Variants in PSD observed in about 807,000 individuals in gnomAD.
PSD encodes the protein PH and SEC7 domain-containing protein 1.
Under a neutral mutation model 91.6 loss-of-function variants are expected in PSD, and 32 were observed. That is an observed-to-expected ratio of 0.35 (90% CI 0.26 to 0.47). The LOEUF (loss-of-function observed/expected upper bound fraction) is 0.47, where lower values mean the gene tolerates loss of function less well. PSD is among the 20% of genes least tolerant of loss of function. The pLI is 1.00. For missense variants in PSD, 1,099 were observed against 1,373.9 expected (o/e 0.80, Z 3.16); for synonymous variants, 532 against 569.3 (o/e 0.93, Z 0.93).
chr10:102,416,664 C>T lies in PSD; in HGVS notation c.375G>A (p.Arg125=). ...NGLPAPGGLS[R]SWDLGGVSPP... ...GAGAAACCCCACCCAGATCCCAGCTCCGACTCAAGCCCCCTGGAGCAGGTA... is the reference window on the plus strand; with the variant it reads ...GAGAAACCCCACCCAGATCCCAGCTTCGACTCAAGCCCCCTGGAGCAGGTA... The change falls in exon 2 of 17, where the codon CGG becomes CGA. Residue 125 remains arginine (R), a synonymous_variant. Coordinates refer to ENST00000020673, the MANE Select transcript of PSD (RefSeq NM_002779.5). This position sits in a 1 kb window ranked among gnomAD's most constrained non-coding sequence, Gnocchi z 6.0. 6.2e-7 allele frequency: 1 copy of T among 1,610,192 alleles called. No individual in the cohort carries two copies. The highest frequency in any genetic ancestry group is 8.5e-7 in the Non-Finnish European group (1 of 1,178,512).
At position 102,403,109 on chromosome 10, in the gene PSD, C is replaced by T; in HGVS notation, c.*91G>A. 9.0e-7 allele frequency: 1 copy of T among 1,115,410 alleles called. No homozygotes were observed. The highest frequency in any genetic ancestry group is 1.2e-6 in the Non-Finnish European group (1 of 824,222). The allele number at this position is 1,115,410 out of a possible 1,614,324, so 69.1% of individuals were successfully genotyped here. On this transcript the variant is annotated 3_prime_UTR_variant, in exon 17 of 17. Coordinates refer to ENST00000020673, the MANE Select transcript of PSD (RefSeq NM_002779.5). This position sits in a 1 kb window ranked among gnomAD's most constrained non-coding sequence, Gnocchi z 6.7. Reference sequence around the variant, plus strand: ...GCGGTCGGGCCCTAGGCCGGGAGGCCCTCGTGGGTGGCCCGAGGCCGGCCC... The same window carrying T: ...GCGGTCGGGCCCTAGGCCGGGAGGCTCTCGTGGGTGGCCCGAGGCCGGCCC...
Position 102,405,063 on chromosome 10 carries a change from G to A in PSD, c.2398-8C>T, listed in dbSNP as rs2061344068. 1.9e-6 allele frequency: 3 copies of A among 1,613,624 alleles called. No homozygotes were observed. The East Asian group carries it at 6.7e-5, about 36-fold the overall frequency. ...CCCAGGCTTGTACTCCTCCTGCAGG[G>A]GTGTCCATCTTGTCCTGGCCCCAAA... On this transcript the variant is annotated splice_polypyrimidine_tract_variant and splice_region_variant and intron_variant, in intron 13 of 16. Transcript: ENST00000020673. The surrounding 1 kb of genome is among the most constrained non-coding windows in gnomAD (Gnocchi z 5.4).
chr10:102,405,561 G>GGGCT lies in PSD; in HGVS notation c.2136-29_2136-26dup. 6.3e-7 allele frequency: 1 copy of GGGCT among 1,587,284 alleles called. No homozygotes were observed. Among genetic ancestry groups the GGGCT allele is most frequent in the Non-Finnish European group, 8.6e-7 (1 of 1,161,270 alleles). ...TCTGCAGGTGTGATCACCTCAGAGGGGGCTGGCCATGGAGCCGCGGCCCCC... is the reference window on the plus strand; with the variant it reads ...TCTGCAGGTGTGATCACCTCAGAGGGGGCTGGCTGGCCATGGAGCCGCGGCCCCC... On this transcript the variant is annotated intron_variant, in intron 11 of 16. Coordinates refer to ENST00000020673, the MANE Select transcript of PSD (RefSeq NM_002779.5). The surrounding 1 kb of genome is among the most constrained non-coding windows in gnomAD (Gnocchi z 5.4).
chr10:102,414,824 C>T lies in PSD; in HGVS notation c.1124+39G>A. The T allele has an allele frequency of 1.3e-6, 2 of 1,485,640 alleles. No individual in the cohort carries two copies. The highest frequency in any genetic ancestry group is 8.9e-7 in the Non-Finnish European group (1 of 1,122,478). 92.0% of individuals were successfully genotyped at this position (1,485,640 alleles called of 1,614,324 possible). ...TGGGCCAGTGCGAAGGAGCAAGCCG[C>T]TTCCCTCTCCCACTTCCCCCTCCCA... is the stretch of plus-strand genomic sequence containing the variant. On this transcript the variant is annotated intron_variant, in intron 4 of 16. Transcript: ENST00000020673. The surrounding 1 kb of genome is among the most constrained non-coding windows in gnomAD (Gnocchi z 5.6).
In PSD at chr10:102,410,919, T is replaced by A; in HGVS notation, c.2030A>T (p.Asp677Val). ...HNIGKRMTCG[D>V]FIGNLEGLND... ...GAGGCCCTCCAGGTTCCCGATGAAG[T>A]CCCCGCAGGTCATGCGCTTCCCGAT... is the stretch of plus-strand genomic sequence containing the variant. The change falls in exon 10 of 17, where the codon GAC becomes GTC. Residue 677 changes from aspartate to valine, a missense_variant. Physicochemically the swap from Asp to Val is radical, Grantham distance 152. This residue lies in a region of PSD where 110 missense variants were observed against 218.7 expected (regional missense o/e 0.50). Coordinates refer to ENST00000020673, the MANE Select transcript of PSD (RefSeq NM_002779.5). This position sits in a 1 kb window ranked among gnomAD's most constrained non-coding sequence, Gnocchi z 6.0. 1.2e-6 allele frequency: 2 copies of A among 1,613,848 alleles called. No homozygotes were observed. Among genetic ancestry groups the A allele is most frequent in the Non-Finnish European group, 1.7e-6 (2 of 1,179,792 alleles).
Position 102,404,862 on chromosome 10 carries a change from G to A in PSD, c.2555+36C>T. On this transcript the variant is annotated intron_variant, in intron 14 of 16. Coordinates refer to ENST00000020673, the MANE Select transcript of PSD (RefSeq NM_002779.5). This position sits in a 1 kb window ranked among gnomAD's most constrained non-coding sequence, Gnocchi z 5.7. Reference sequence around the variant, plus strand: ...GAGGGGAGCAGGATGGGAGGTGGGGGAAGGGGTCCGGGATGGGCAGGAGGA... The same window carrying A: ...GAGGGGAGCAGGATGGGAGGTGGGGAAAGGGGTCCGGGATGGGCAGGAGGA... The A allele has an allele frequency of 1.2e-6, 2 of 1,604,206 alleles. No homozygotes were observed. Among genetic ancestry groups the A allele is most frequent in the Non-Finnish European group, 8.5e-7 (1 of 1,174,318 alleles).
At chr10:102,417,363 C>A (rs1434133041) in intron 1 of PSD, among the ~76,000 whole-genome samples, 1 of 152,082 alleles carries the variant, frequency 6.6e-6, no homozygotes, top group Non-Finnish European at 1.5e-5. Context: ...TGAGCATCAC[C>A]CTGGGAGGAG....
In PSD at chr10:102,409,176, G is replaced by T. The variant is rs534314417; in HGVS notation, c.2091+1682C>A. On this transcript the variant is annotated intron_variant, in intron 10 of 16. Coordinates refer to ENST00000020673, the MANE Select transcript of PSD (RefSeq NM_002779.5). This position sits in a 1 kb window ranked among gnomAD's most constrained non-coding sequence, Gnocchi z 5.7. ...GGGCCGCCCGGACGGCCCGCGGACC[G>T]CTCCCCCGACAGCCAGCGCGAGCGG... The T allele has an allele frequency of 8.7e-4, 855 of 980,702 alleles. 11 individuals are homozygous for T. In the African/African-American group the frequency reaches 0.014, roughly 16 times the overall value. 60.8% of individuals were successfully genotyped at this position (980,702 alleles called of 1,614,324 possible). A position where few individuals can be genotyped will look rare whatever the true frequency, so the allele number is the denominator to read the frequency against.
At position 102,403,075 on chromosome 10, in the gene PSD, G is replaced by T; in HGVS notation, c.*125C>A. The T allele has an allele frequency of 1.5e-6, 1 of 678,992 alleles. No homozygotes were observed. The highest frequency in any genetic ancestry group is 2.2e-6 in the Non-Finnish European group (1 of 456,068). The allele number at this position is 678,992 out of a possible 1,614,324, so 42.1% of individuals were successfully genotyped here. A position where few individuals can be genotyped will look rare whatever the true frequency, so the allele number is the denominator to read the frequency against. On this transcript the variant is annotated 3_prime_UTR_variant, in exon 17 of 17. Coordinates refer to ENST00000020673, the MANE Select transcript of PSD (RefSeq NM_002779.5). This position sits in a 1 kb window ranked among gnomAD's most constrained non-coding sequence, Gnocchi z 6.7. The stretch of plus-strand genomic sequence containing the variant: ...CCAGCCCTGCCCTGCCCCGGACACC[G>T]CGTCCGGCGCGGTCGGGCCCTAGGC...
chr10:102,404,013 G>T lies in PSD; in HGVS notation c.2701-28C>A. 1 of 1,536,294 alleles carries T rather than the reference G, an allele frequency of 6.5e-7. No homozygotes were observed. ...AGCGGCCAGGGGGAGGCATGGTCAT[G>T]GTCACTCTGCCCTATACAGTGCCTC... On this transcript the variant is annotated intron_variant, in intron 15 of 16. Coordinates refer to ENST00000020673, the MANE Select transcript of PSD (RefSeq NM_002779.5). This position sits in a 1 kb window ranked among gnomAD's most constrained non-coding sequence, Gnocchi z 5.7.
chr10:102,409,223 C>G lies in PSD; in HGVS notation c.2091+1635G>C, dbSNP rs1257045871. 3.1e-6 allele frequency: 3 copies of G among 983,390 alleles called. No homozygotes were observed. The highest frequency in any genetic ancestry group is 1.8e-5 in the African/African-American group (1 of 56,940). 60.9% of individuals were successfully genotyped at this position (983,390 alleles called of 1,614,324 possible). On this transcript the variant is annotated intron_variant, in intron 10 of 16. Transcript: ENST00000020673. The surrounding 1 kb of genome is among the most constrained non-coding windows in gnomAD (Gnocchi z 5.7). The stretch of plus-strand genomic sequence containing the variant: ...GCGGCGCGGCCCGGCCCGAGCCGGC[C>G]CGGCTCTCACGGACGCACGGAGTGC...
Position 102,405,573 on chromosome 10 carries a change from G to T in PSD, c.2136-37C>A, listed in dbSNP as rs1370458975. The T allele has an allele frequency of 1.3e-6, 2 of 1,573,470 alleles. No individual in the cohort carries two copies. The highest frequency in any genetic ancestry group is 2.7e-5 in the African/African-American group (2 of 73,938). On this transcript the variant is annotated intron_variant, in intron 11 of 16. Transcript: ENST00000020673. This position sits in a 1 kb window ranked among gnomAD's most constrained non-coding sequence, Gnocchi z 5.4. ...ATCACCTCAGAGGGGGCTGGCCATG[G>T]AGCCGCGGCCCCCGCTTCAGTTCTG...
chr10:102,405,548 A>G lies in PSD; in HGVS notation c.2136-12T>C. ...GCTCCTCCTCGTCTCTGCAGGTGTG[A>G]TCACCTCAGAGGGGGCTGGCCATGG... On this transcript the variant is annotated splice_polypyrimidine_tract_variant and intron_variant, in intron 11 of 16. Transcript: ENST00000020673. This position sits in a 1 kb window ranked among gnomAD's most constrained non-coding sequence, Gnocchi z 5.4. 1 of 1,607,708 alleles carries G rather than the reference A, an allele frequency of 6.2e-7. No homozygotes were observed. Among genetic ancestry groups the G allele is most frequent in the Non-Finnish European group, 8.5e-7 (1 of 1,175,998 alleles).
At chr10:102,412,105 C>T (rs1209715366) in intron 7 of PSD, 42 bp downstream of exon 7, 5 of 1,593,640 alleles carry the variant, frequency 3.1e-6, no homozygotes, top group African/African-American at 2.7e-5. Context: ...CTAACACGAA[C>T]CCCGGAGAGT....
rs375350967 is a variant in PSD at position 102,415,592 on chromosome 10, C to T, written c.758-363G>A. Among the ~76,000 whole-genome samples, 25 of 152,306 alleles carry T rather than the reference C, an allele frequency of 1.6e-4. No individual in the cohort carries two copies. The East Asian group carries it at 4.2e-3, about 26-fold the overall frequency. ...GACTCAAGGGATCCTCCCACCCAAC[C>T]TCCCCAGTAGCTAGGACTATAGGTG... is the stretch of plus-strand genomic sequence containing the variant. On this transcript the variant is annotated intron_variant, in intron 3 of 16. Coordinates refer to ENST00000020673, the MANE Select transcript of PSD (RefSeq NM_002779.5).
upstream of PSD, chr10:102,418,817 C>CCCG (rs2061518392): frequency 2.3e-6 from 1 of 431,886 alleles, no homozygotes; most frequent in African/African-American, 2.1e-5. Context: ...CAGTCCCTCC[C>CCCG]CCTACCCCCT....
intron 11 of PSD, among the ~76,000 whole-genome samples, chr10:102,406,950 C>T (rs1299242267): frequency 6.6e-6 from 1 of 152,202 alleles, no homozygotes; most frequent in East Asian, 1.9e-4. Flanking sequence ...TGCTTTCCCA[C>T]TCAGGTTGCC....
rs1441952118 is a variant in PSD at position 102,409,828 on chromosome 10, T to C, written c.2091+1030A>G. The stretch of plus-strand genomic sequence containing the variant: ...GATACACCCCCTACTCAGAGGCATA[T>C]GGCATACCTCAGACACGGCCAATTC... On this transcript the variant is annotated intron_variant, in intron 10 of 16. Transcript: ENST00000020673. The surrounding 1 kb of genome is among the most constrained non-coding windows in gnomAD (Gnocchi z 5.7). Among the ~76,000 whole-genome samples the C allele has an allele frequency of 7.2e-5, 11 of 152,088 alleles. No homozygotes were observed. Among genetic ancestry groups the C allele is most frequent in the Non-Finnish European group, 1.5e-4 (10 of 68,026 alleles).
Position 102,416,784 on chromosome 10 carries a change from G to T in PSD, c.255C>A (p.Pro85=), listed in dbSNP as rs755459767. 1.3e-6 allele frequency: 2 copies of T among 1,595,258 alleles called. No homozygotes were observed. The highest frequency in any genetic ancestry group is 1.7e-6 in the Non-Finnish European group (2 of 1,170,236). ...SPRVAPSPWA[P]SSPTGQPPPG... ...GTGGGGGCTGCCCAGTGGGTGAAGAGGGTGCCCAGGGTGAGGGAGCAACAC... is the reference window on the plus strand; with the variant it reads ...GTGGGGGCTGCCCAGTGGGTGAAGATGGTGCCCAGGGTGAGGGAGCAACAC... Residue 85 remains proline (P), a synonymous_variant, in exon 2 of 17, where the codon CCC becomes CCA. Transcript: ENST00000020673. The surrounding 1 kb of genome is among the most constrained non-coding windows in gnomAD (Gnocchi z 6.0).
Sources: allele counts gnomAD v4.1 joint callset (sites outside exome capture counted in the v4.1 genomes callset), GRCh38; gene constraint gnomAD v4.1.1; regional missense constraint gnomAD v4.1.1; non-coding constraint Gnocchi (gnomAD v3.1); transcripts MANE v1.5; gene names NCBI Gene and HGNC (gene_info 2026-07-23, HGNC 2026-07-21).